ABCC12: variants seen among roughly 807,000 people sequenced by gnomAD.
ABCC12 encodes ATP binding cassette subfamily C member 12.
A neutral mutation model predicts 151.1 loss-of-function variants in ABCC12; 142 were observed. That is an observed-to-expected ratio of 0.94 (90% CI 0.82 to 1.08). The LOEUF (loss-of-function observed/expected upper bound fraction) is 1.08, where lower values mean the gene tolerates loss of function less well. ABCC12 is among the 50% of genes least tolerant of loss of function. The pLI, the probability that ABCC12 is intolerant of heterozygous loss-of-function variation, is 0.00. For synonymous variants in ABCC12, 645 were observed against 646.4 expected (o/e 1.00, Z 0.03); for missense variants, 1,638 against 1,691.1 (o/e 0.97, Z 0.55).
chr16:48,089,655 T>C (rs975051560), intron 25 of ABCC12, among the ~76,000 whole-genome samples: 1 of 152,222 alleles, frequency 6.6e-6, no homozygotes, highest in Non-Finnish European at 1.5e-5. Context: ...AATACCTGTA[T>C]TGTTAAGGAC....
intron 9 of ABCC12, among the ~76,000 whole-genome samples, chr16:48,132,493 C>G (rs370050728): frequency 1.3e-5 from 2 of 152,202 alleles, no homozygotes; most frequent in Non-Finnish European, 2.9e-5. Flanking sequence ...GCAATTCTTC[C>G]TCTATGAACT....
At chr16:48,136,530 T>C (rs564650315) in intron 8 of ABCC12, among the ~76,000 whole-genome samples, 2 of 152,332 alleles carry the variant, frequency 1.3e-5, no homozygotes, top group Admixed American at 6.5e-5. Context: ...GTTTGGAGAA[T>C]AGAGGAGTGA....
chr16:48,139,254 A>G lies in ABCC12; in HGVS notation c.740T>C (p.Leu247Pro), dbSNP rs1298300904. 1.2e-6 allele frequency: 2 copies of G among 1,614,046 alleles called. No homozygotes were observed. Among genetic ancestry groups the G allele is most frequent in the African/African-American group, 1.3e-5 (1 of 74,936 alleles). The change falls in exon 7 of 31, where the codon CTA becomes CCA. Residue 247 changes from leucine to proline, a missense_variant. Leu to Pro is a moderately conservative substitution (Grantham distance 98). Coordinates refer to ENST00000311303, the MANE Select transcript of ABCC12 (RefSeq NM_001393797.1). ...GGCGTACGCCGCACAAAAGACCATT[A>G]GGATCGGGATGGTGGCTGGCAAAGG... ...FCPLPATIPI[L>P]MVFCAAYAFF...
chr16:48,127,461 C>T (rs944482910), intron 11 of ABCC12, among the ~76,000 whole-genome samples: 2 of 152,170 alleles, frequency 1.3e-5, no homozygotes, highest in African/African-American at 4.8e-5. Flanking sequence ...CTGGCTTAGC[C>T]CTTGGCTGGG....
intron 14 of ABCC12, among the ~76,000 whole-genome samples, chr16:48,116,663 G>A (rs1478952818): frequency 6.6e-6 from 1 of 152,182 alleles, no homozygotes; most frequent in Non-Finnish European, 1.5e-5. Context: ...GGCACCAGTA[G>A]AGAAAGACAC....
At position 48,144,129 on chromosome 16, in the gene ABCC12, G is replaced by A. The variant is rs144047152; in HGVS notation, c.120-64C>T. The A allele has an allele frequency of 2.3e-5, 35 of 1,545,196 alleles. No homozygotes were observed. The African/African-American group carries it at 3.6e-4, about 16-fold the overall frequency. ...GGTCATTGCCCCAACTCTCTCTCTGGATTGAACTTGTAACTACAGCAACAA... is the reference window on the plus strand; with the variant it reads ...GGTCATTGCCCCAACTCTCTCTCTGAATTGAACTTGTAACTACAGCAACAA... On this transcript the variant is annotated intron_variant, in intron 3 of 30. Coordinates refer to ENST00000311303, the MANE Select transcript of ABCC12 (RefSeq NM_001393797.1).
chr16:48,101,432 A>G (rs1963305512), intron 22 of ABCC12, among the ~76,000 whole-genome samples: 1 of 152,206 alleles, frequency 6.6e-6, no homozygotes, highest in Non-Finnish European at 1.5e-5. Context: ...GGCCTTCTAA[A>G]GGCATTTTCA....
At chr16:48,111,934 T>C (rs376395888) in intron 15 of ABCC12, 24 bp from the exon 16 acceptor site, 2 of 1,609,058 alleles carry the variant, frequency 1.2e-6, no homozygotes, top group African/African-American at 1.3e-5. Flanking sequence ...TGATCGACAA[T>C]GAACTTCTGC....
intron 23 of ABCC12, among the ~76,000 whole-genome samples, chr16:48,100,664 C>T (rs1963270865): frequency 1.3e-5 from 2 of 152,188 alleles, no homozygotes; most frequent in African/African-American, 4.8e-5. Context: ...TGTCATTGAA[C>T]AAGCTCCCCT....
chr16:48,134,958 A>G (rs1964556263), intron 8 of ABCC12, among the ~76,000 whole-genome samples: 1 of 151,628 alleles, frequency 6.6e-6, no homozygotes, highest in South Asian at 2.1e-4. Flanking sequence ...AGGCTGAGGC[A>G]GGAGAATGGC....
chr16:48,149,259 A>AG (rs1965084859), intron 2 of ABCC12, among the ~76,000 whole-genome samples: 1 of 151,242 alleles, frequency 6.6e-6, no homozygotes, highest in African/African-American at 2.4e-5. Flanking sequence ...AAAAAAAAAA[A>AG]AAAAGGTAGG....
intron 1 of ABCC12, among the ~76,000 whole-genome samples, chr16:48,154,484 T>C (rs1965157846): frequency 6.6e-6 from 1 of 152,168 alleles, no homozygotes. Flanking sequence ...GGGCAGGGTA[T>C]ACATGCTTTA....
At chr16:48,151,843 T>G (rs1163800167) in intron 2 of ABCC12, among the ~76,000 whole-genome samples, 1 of 152,190 alleles carries the variant, frequency 6.6e-6, no homozygotes. Context: ...TCAGTGTCAC[T>G]GAGTAATGCA....
At chr16:48,106,932 G>A (rs1402379274) in intron 20 of ABCC12, among the ~76,000 whole-genome samples, 1 of 152,194 alleles carries the variant, frequency 6.6e-6, no homozygotes, top group Non-Finnish European at 1.5e-5. Flanking sequence ...GGACCTTCTG[G>A]CACTGGGCAG....
Position 48,105,411 on chromosome 16 carries a change from T to C in ABCC12, c.2476-75A>G. The C allele has an allele frequency of 4.2e-6, 6 of 1,423,756 alleles. No homozygotes were observed. In the South Asian group the frequency reaches 6.2e-5, roughly 15 times the overall value. 88.2% of individuals were successfully genotyped at this position (1,423,756 alleles called of 1,614,324 possible). ...GAGAACAGGAATTTTCCGGAGAATCTTTCCAGAGAGAAGAAACTAAGAAGA... is the reference window on the plus strand; with the variant it reads ...GAGAACAGGAATTTTCCGGAGAATCCTTCCAGAGAGAAGAAACTAAGAAGA... On this transcript the variant is annotated intron_variant, in intron 20 of 30. Coordinates refer to ENST00000311303, the MANE Select transcript of ABCC12 (RefSeq NM_001393797.1).
At chr16:48,112,570 G>A (rs931154187) in intron 15 of ABCC12, among the ~76,000 whole-genome samples, 1 of 152,130 alleles carries the variant, frequency 6.6e-6, no homozygotes, top group Non-Finnish European at 1.5e-5. Flanking sequence ...ACTCCAGCCT[G>A]GATGACAGAG....
intron 13 of ABCC12, among the ~76,000 whole-genome samples, chr16:48,118,171 C>G (rs1462473079): frequency 1.3e-5 from 2 of 152,160 alleles, no homozygotes; most frequent in Admixed American, 1.3e-4. Flanking sequence ...GGGGCATGAC[C>G]CCGCTCTGCC....
At chr16:48,099,367 A>C (rs897206395) in intron 23 of ABCC12, among the ~76,000 whole-genome samples, 3 of 152,212 alleles carry the variant, frequency 2.0e-5, no homozygotes, top group African/African-American at 7.2e-5. Flanking sequence ...ATTGCACTCC[A>C]GCCTGGGTGA....
chr16:48,087,444 A>G (rs1188043436), intron 27 of ABCC12: 1 of 156,072 alleles, frequency 6.4e-6, no homozygotes, highest in Non-Finnish European at 1.4e-5. Context: ...GCCCCACAGA[A>G]GCTGCAGCCC....
Sources: allele counts gnomAD v4.1 joint callset (sites outside exome capture counted in the v4.1 genomes callset), GRCh38; gene constraint gnomAD v4.1.1; transcripts MANE v1.5; gene names NCBI Gene and HGNC (gene_info 2026-07-23, HGNC 2026-07-21).